MYO16: variants seen among roughly 807,000 people sequenced by gnomAD.
MYO16 encodes the protein unconventional myosin-XVI.
A neutral mutation model predicts 205.3 loss-of-function variants in MYO16; 94 were observed. The observed-to-expected ratio is 0.46, with a 90% CI of 0.39 to 0.54. The LOEUF is 0.54. MYO16 is among the 20% of genes least tolerant of loss of function. The pLI, the probability that MYO16 is intolerant of heterozygous loss-of-function variation, is 0.00. For missense variants in MYO16, 2,315 were observed against 2,387.5 expected (o/e 0.97, Z 0.63); for synonymous variants, 988 against 954.0 (o/e 1.04, Z -0.66).
intron 7 of MYO16, among the ~76,000 whole-genome samples, chr13:108,816,799 T>C (rs1247831482): frequency 6.6e-6 from 1 of 152,202 alleles, no homozygotes; most frequent in Non-Finnish European, 1.5e-5. Flanking sequence ...ACTTGGTCTC[T>C]CCAGTCGCTG....
At chr13:108,847,617 T>G in intron 10 of MYO16, among the ~76,000 whole-genome samples, 1 of 152,232 alleles carries the variant, frequency 6.6e-6, no homozygotes, top group Admixed American at 6.5e-5. Flanking sequence ...CAGATTTTTA[T>G]AAAGTGTAGG....
the MYO16 span, among the ~76,000 whole-genome samples, chr13:108,530,649 A>G: frequency 6.6e-6 from 1 of 152,208 alleles, no homozygotes; most frequent in African/African-American, 2.4e-5. Flanking sequence ...ACATTTAGCT[A>G]AGTGCCTAGC....
intron 23 of MYO16, among the ~76,000 whole-genome samples, chr13:109,032,908 G>A (rs1426007196): frequency 6.6e-6 from 1 of 152,104 alleles, no homozygotes; most frequent in Non-Finnish European, 1.5e-5. Context: ...ACCTAACAAG[G>A]TAGCCTGTGC....
At chr13:109,014,594 A>G (rs1302336250) in intron 22 of MYO16, among the ~76,000 whole-genome samples, 3 of 152,190 alleles carry the variant, frequency 2.0e-5, no homozygotes, top group African/African-American at 7.2e-5. Flanking sequence ...CTTCCTATCC[A>G]TGAGCATTGG....
At chr13:109,176,597 A>AAAAAAAAAAAAAAAAAAAAAAAAAAC (rs1879197610) in intron 33 of MYO16, among the ~76,000 whole-genome samples, 2 of 149,466 alleles carry the variant, frequency 1.3e-5, no homozygotes. Context: ...AAAAAAAAAA[A>AAAAAAAAAAAAAAAAAAAAAAAAAAC]AAAAGACCTC....
intron 16 of MYO16, among the ~76,000 whole-genome samples, chr13:108,942,320 A>T (rs556857364): frequency 4.6e-5 from 7 of 152,300 alleles, no homozygotes; most frequent in African/African-American, 1.7e-4. Context: ...CCCTTAGACA[A>T]GGGATTGTGT....
Position 109,207,814 on chromosome 13 carries a change from C to A in MYO16, c.*978C>A, listed in dbSNP as rs1192835216. 1.3e-5 allele frequency: 2 copies of A among 152,294 alleles called. No individual in the cohort carries two copies. Among genetic ancestry groups the A allele is most frequent in the Non-Finnish European group, 2.9e-5 (2 of 68,078 alleles). 9.4% of individuals were successfully genotyped at this position (152,294 alleles called of 1,614,324 possible). On this transcript the variant is annotated 3_prime_UTR_variant, in exon 35 of 35. Coordinates refer to ENST00000457511, the MANE Select transcript of MYO16 (RefSeq NM_001198950.3). Reference sequence around the variant, plus strand: ...CGCTCGTCCCCCGGGACTTACACTGCATGATTCCCTCACTGTATATCCTCA... The same window carrying A: ...CGCTCGTCCCCCGGGACTTACACTGAATGATTCCCTCACTGTATATCCTCA...
chr13:108,767,529 A>T (rs1885821111), intron 4 of MYO16, among the ~76,000 whole-genome samples: 1 of 152,186 alleles, frequency 6.6e-6, no homozygotes, highest in South Asian at 2.1e-4. Flanking sequence ...TCTGCTGTAA[A>T]CACTGCACTA....
At chr13:108,647,075 G>C (rs907696981) in intron 1 of MYO16, among the ~76,000 whole-genome samples, 1 of 151,992 alleles carries the variant, frequency 6.6e-6, no homozygotes, top group African/African-American at 2.4e-5. Flanking sequence ...ATTTTCCCTT[G>C]TGATTGATGG....
chr13:108,647,019 A>T (rs1880784817), intron 1 of MYO16, among the ~76,000 whole-genome samples: 1 of 152,136 alleles, frequency 6.6e-6, no homozygotes, highest in Non-Finnish European at 1.5e-5. Flanking sequence ...CATTTGTATC[A>T]CAGTCATATG....
At chr13:108,655,970 C>G (rs1450815225) in intron 1 of MYO16, among the ~76,000 whole-genome samples, 1 of 152,106 alleles carries the variant, frequency 6.6e-6, no homozygotes, top group Non-Finnish European at 1.5e-5. Flanking sequence ...GCATAAGGGA[C>G]TTGCCTTGTT....
intron 4 of MYO16, among the ~76,000 whole-genome samples, chr13:108,764,575 A>G (rs1885718592): frequency 6.6e-6 from 1 of 152,196 alleles, no homozygotes; most frequent in African/African-American, 2.4e-5. Context: ...GGTACGTATC[A>G]GGGGAGATGA....
intron 4 of MYO16, among the ~76,000 whole-genome samples, chr13:108,744,138 T>G (rs1320438912): frequency 1.3e-5 from 2 of 152,230 alleles, no homozygotes; most frequent in East Asian, 3.8e-4. Context: ...ATATTTAATA[T>G]CTTTCTCATC....
chr13:109,202,025 T>C (rs560112058), intron 34 of MYO16, among the ~76,000 whole-genome samples: 2 of 152,118 alleles, frequency 1.3e-5, no homozygotes, highest in African/African-American at 2.4e-5. Context: ...ATATATATGA[T>C]CATACATATG....
chr13:108,705,877 A>G (rs1235348931), intron 2 of MYO16, among the ~76,000 whole-genome samples: 1 of 152,214 alleles, frequency 6.6e-6, no homozygotes, highest in African/African-American at 2.4e-5. Flanking sequence ...CCAGGCACAC[A>G]TGGCTTCATG....
intron 4 of MYO16, among the ~76,000 whole-genome samples, chr13:108,738,642 G>A (rs1884790099): frequency 6.6e-6 from 1 of 152,180 alleles, no homozygotes; most frequent in Non-Finnish European, 1.5e-5. Context: ...TTCTGTAGAT[G>A]TCTATTAGGT....
At chr13:108,559,568 G>A in the MYO16 span, among the ~76,000 whole-genome samples, 1 of 149,192 alleles carries the variant, frequency 6.7e-6, no homozygotes, top group Non-Finnish European at 1.5e-5. Context: ...CCACCTTCTG[G>A]GTTCATGTCA....
intron 27 of MYO16, among the ~76,000 whole-genome samples, chr13:109,095,047 G>A (rs946886181): frequency 6.6e-6 from 1 of 152,188 alleles, no homozygotes; most frequent in African/African-American, 2.4e-5. Flanking sequence ...CTGGTGAATT[G>A]ATTGATTGAT....
In MYO16 at chr13:108,677,402, G is replaced by A. The variant is rs539223981; in HGVS notation, c.292+11253G>A. 5.4e-4 allele frequency among the ~76,000 whole-genome samples: 79 copies of A among 145,354 alleles called. 1 individual carries two copies. The highest frequency in any genetic ancestry group is 1.9e-3 in the Admixed American group (27 of 14,530). On this transcript the variant is annotated intron_variant, in intron 2 of 34. Coordinates refer to ENST00000457511, the MANE Select transcript of MYO16 (RefSeq NM_001198950.3). Reference sequence around the variant, plus strand: ...ATATATATACAGGTATATATACAGTGTATACATATATATTCAGGTATATGT... The same window carrying A: ...ATATATATACAGGTATATATACAGTATATACATATATATTCAGGTATATGT...
Sources: allele counts gnomAD v4.1 joint callset (sites outside exome capture counted in the v4.1 genomes callset), GRCh38; gene constraint gnomAD v4.1.1; transcripts MANE v1.5; gene names NCBI Gene and HGNC (gene_info 2026-07-23, HGNC 2026-07-21).